TIAM2: variants seen among roughly 807,000 people sequenced by gnomAD.
The protein encoded by TIAM2 is rho guanine nucleotide exchange factor TIAM2.
Under a neutral mutation model 152.9 loss-of-function variants are expected in TIAM2, and 80 were observed. The ratio of observed to expected loss-of-function variants is 0.52; its 90% CI spans 0.44 to 0.63. TIAM2 has a LOEUF of 0.63. Ranked by LOEUF, TIAM2 falls within the 30% of genes least tolerant of loss-of-function variation. The probability of loss-of-function intolerance (pLI) is 0.00; values close to 1 mark genes in which losing one functional copy is unlikely to be tolerated. For missense variants in TIAM2, 1,965 were observed against 2,120.1 expected, an observed-to-expected ratio of 0.93 and a Z score of 1.44; for synonymous variants, 804 against 838.0, an observed-to-expected ratio of 0.96 and a Z score of 0.70.
At chr6:155,066,196 G>T (rs1255227727) in intron 1 of TIAM2, among the ~76,000 whole-genome samples, 1 of 40,022 alleles carries the variant, frequency 2.5e-5, no homozygotes, top group Non-Finnish European at 6.4e-5. Flanking sequence ...CAAAGGGCTG[G>T]GATTACAGGC....
At position 155,218,549 on chromosome 6, in the gene TIAM2, C is replaced by T. The variant is rs1250665690; in HGVS notation, c.3168+7242C>T. Among the ~76,000 whole-genome samples, 1 of 152,196 alleles carries T rather than the reference C, an allele frequency of 6.6e-6. No individual in the cohort carries two copies. The highest frequency in any genetic ancestry group is 1.5e-5 in the Non-Finnish European group (1 of 68,046). On this transcript the variant is annotated intron_variant, in intron 15 of 26. Transcript: ENST00000682666. The surrounding 1 kb of genome is among the most constrained non-coding windows in gnomAD (Gnocchi z 4.5). ...GAATAAACATAACACCACCACCAAC[C>T]CAGTGTTGTCAAAGGAATCACGTGA...
chr6:155,222,047 G>A (rs982563580), intron 15 of TIAM2, among the ~76,000 whole-genome samples: 4 of 151,870 alleles, frequency 2.6e-5, no homozygotes, highest in Admixed American at 6.6e-5. Context: ...TCTGCCTCCC[G>A]GGTTCAAGCA....
chr6:154,996,075 G>C (rs7753908), intron 1 of TIAM2, among the ~76,000 whole-genome samples: 1 of 152,208 alleles, frequency 6.6e-6, no homozygotes, highest in East Asian at 1.9e-4. Flanking sequence ...CTCCTGGGGG[G>C]GCTGAGGTGC....
chr6:155,049,586 C>T (rs888214508), intron 1 of TIAM2, among the ~76,000 whole-genome samples: 2 of 152,124 alleles, frequency 1.3e-5, no homozygotes, highest in African/African-American at 4.8e-5. Context: ...GCATTAACAG[C>T]GGCTAACCTT....
chr6:155,196,676 C>T (rs980934883), intron 14 of TIAM2, among the ~76,000 whole-genome samples: 2 of 152,200 alleles, frequency 1.3e-5, no homozygotes, highest in African/African-American at 2.4e-5. Context: ...AAGATGTCCA[C>T]TCATAGTGTA....
intron 19 of TIAM2, 142 bp from the exon 20 acceptor site, chr6:155,247,858 C>T (rs1783424753): frequency 2.8e-6 from 3 of 1,063,940 alleles, no homozygotes; most frequent in African/African-American, 3.2e-5. Context: ...GGTGCCTGAC[C>T]CACTGATGTG....
At chr6:155,125,072 A>G (rs1779261003) in intron 2 of TIAM2, among the ~76,000 whole-genome samples, 1 of 151,756 alleles carries the variant, frequency 6.6e-6, no homozygotes, top group South Asian at 2.1e-4. Flanking sequence ...AGAGTTCGAG[A>G]CCAGCCTGGC....
Position 155,062,085 on chromosome 6 carries a change from G to GC in TIAM2, c.-208-28197dup, listed in dbSNP as rs973117480. The stretch of plus-strand genomic sequence containing the variant: ...ACCCTCGCCACCGCCCCTGCATCTC[G>GC]CCCCCCCACCGCCCCCGCGCACCAC... On this transcript the variant is annotated intron_variant, in intron 1 of 26. Transcript: ENST00000682666. 3.6e-4 allele frequency among the ~76,000 whole-genome samples: 38 copies of GC among 106,482 alleles called. No individual in the cohort carries two copies. In the East Asian group the frequency reaches 6.2e-3, roughly 17 times the overall value. 69.9% of individuals were successfully genotyped at this position (106,482 alleles called of 152,430 possible).
intron 1 of TIAM2, among the ~76,000 whole-genome samples, chr6:155,081,520 A>T (rs751575558): frequency 6.6e-6 from 1 of 152,090 alleles, no homozygotes; most frequent in Non-Finnish European, 1.5e-5. Flanking sequence ...GGCTCAGTCA[A>T]CTGAGCCCTG....
In TIAM2 at chr6:155,048,371, G is replaced by A. The variant is rs541919257; in HGVS notation, c.-208-41918G>A. On this transcript the variant is annotated intron_variant, in intron 1 of 26. Coordinates refer to ENST00000682666, the MANE Select transcript of TIAM2 (RefSeq NM_012454.4). The stretch of plus-strand genomic sequence containing the variant: ...GCCTCCCAAAATGTTGAAATTACAG[G>A]CGTGAGCCACCACGCCTGGCCAAGG... Among the ~76,000 whole-genome samples the A allele has an allele frequency of 9.2e-5, 14 of 152,256 alleles. No individual in the cohort carries two copies. In the East Asian group the frequency reaches 2.7e-3, roughly 29 times the overall value.
chr6:155,102,768 TG>T (rs1315188370), intron 2 of TIAM2, among the ~76,000 whole-genome samples: 73 of 4,760 alleles, frequency 0.015, no homozygotes, highest in East Asian at 0.09. Context: ...ATTAATTTAT[TG>T]TGTGTGTGTG....
At chr6:155,031,098 T>A (rs1015824117) in intron 1 of TIAM2, among the ~76,000 whole-genome samples, 1 of 152,232 alleles carries the variant, frequency 6.6e-6, no homozygotes, top group Admixed American at 6.5e-5. Flanking sequence ...AGACACTTTG[T>A]GTCTTATTTA....
At chr6:155,248,788 A>G (rs542841052) in intron 20 of TIAM2, among the ~76,000 whole-genome samples, 1 of 152,356 alleles carries the variant, frequency 6.6e-6, no homozygotes, top group African/African-American at 2.4e-5. Flanking sequence ...GAGGGGCTTT[A>G]TTTGGGTTGG....
chr6:155,071,729 T>C (rs915296517), intron 1 of TIAM2, among the ~76,000 whole-genome samples: 1 of 152,038 alleles, frequency 6.6e-6, no homozygotes, highest in African/African-American at 2.4e-5. Flanking sequence ...ACCCCATCTC[T>C]ACTAAAAACT....
At chr6:155,217,844 AAAG>A (rs1183030673) in intron 15 of TIAM2, among the ~76,000 whole-genome samples, 3 of 152,216 alleles carry the variant, frequency 2.0e-5, no homozygotes, top group Admixed American at 2.0e-4. Flanking sequence ...GGCAGAAAAA[AAAG>A]AACGTGCACT....
chr6:155,207,375 G>A (rs1781621427), intron 14 of TIAM2, among the ~76,000 whole-genome samples: 1 of 152,334 alleles, frequency 6.6e-6, no homozygotes, highest in African/African-American at 2.4e-5. Context: ...GGCAGCTGTG[G>A]ACACTGTCCA....
At chr6:155,203,218 G>C (rs1446326446) in intron 14 of TIAM2, among the ~76,000 whole-genome samples, 3 of 152,008 alleles carry the variant, frequency 2.0e-5, no homozygotes, top group Non-Finnish European at 4.4e-5. Flanking sequence ...TTTACATAAT[G>C]CTATTATGCC....
At chr6:155,149,956 A>G (rs1383280391) in intron 7 of TIAM2, among the ~76,000 whole-genome samples, 3 of 151,932 alleles carry the variant, frequency 2.0e-5, no homozygotes, top group Non-Finnish European at 2.9e-5. Context: ...GTAGGAAAAA[A>G]TTTCTGTCTA....
intron 22 of TIAM2, 30 bp downstream of exon 22, chr6:155,251,051 T>G (rs201954532): frequency 1.4e-4 from 218 of 1,590,776 alleles, no homozygotes; most frequent in Non-Finnish European, 1.1e-5. Flanking sequence ...GAATGCAGAC[T>G]GAACAGAGGC....
Sources: gnomAD v4.1 joint callset for allele counts (sites outside exome capture counted in the v4.1 genomes callset) on GRCh38, gnomAD v4.1.1 for gene constraint, Gnocchi (gnomAD v3.1) non-coding constraint, MANE v1.5 for transcripts, NCBI Gene and HGNC (gene_info 2026-07-23, HGNC 2026-07-21) for gene names.